The following AMPD3 variants were observed in gnomAD, a reference collection of about 807,000 sequenced individuals.
The protein encoded by AMPD3 is AMP deaminase 3.
A neutral mutation model predicts 82.3 loss-of-function variants in AMPD3; 57 were observed. That is an observed-to-expected ratio of 0.69 (90% CI 0.56 to 0.86). The LOEUF is 0.86. AMPD3 is among the 40% of genes least tolerant of loss of function. The pLI is 0.00. For synonymous variants in AMPD3, 381 were observed against 394.7 expected (o/e 0.97, Z 0.41); for missense variants, 870 against 1,003.8 (o/e 0.87, Z 1.80).
chr11:10,495,606 T>C lies in AMPD3; in HGVS notation c.1303T>C (p.Tyr435His). 1.2e-6 allele frequency: 2 copies of C among 1,613,526 alleles called. No homozygotes were observed. The highest frequency in any genetic ancestry group is 1.7e-6 in the Non-Finnish European group (2 of 1,180,016). The change falls in exon 9 of 15, where the codon TAC becomes CAC. Residue 435 changes from tyrosine to histidine, a missense_variant. By Grantham distance (83) the Tyr-to-His change is moderately conservative. Coordinates refer to ENST00000396553, the MANE Select transcript of AMPD3 (RefSeq NM_001025389.2). ...GGAGCTGGAGGAGAGCAAGTACCAG[T>C]ACTCAGAGCCACGGCTCTCCATCTA... ...ARELEESKYQ[Y>H]SEPRLSIYGR... is the part of the protein sequence containing the mutation.
intron 1 of AMPD3, chr11:10,455,943 G>T: frequency 3.0e-6 from 3 of 985,376 alleles, no homozygotes; most frequent in Non-Finnish European, 3.6e-6. Context: ...GATATCGCTC[G>T]TTGCTACTCA....
At chr11:10,460,066 T>TATACATAATATATATA (rs1848219350) in intron 1 of AMPD3, among the ~76,000 whole-genome samples, 4 of 143,980 alleles carry the variant, frequency 2.8e-5, no homozygotes, top group Middle Eastern at 3.3e-3. Flanking sequence ...TAATATATAT[T>TATACATAATATATATA]ATATATAATA....
chr11:10,457,881 A>C (rs1848144341), intron 1 of AMPD3, among the ~76,000 whole-genome samples: 1 of 151,920 alleles, frequency 6.6e-6, no homozygotes. Flanking sequence ...GGCAACTGAG[A>C]CCCTGTCTCT....
intron 13 of AMPD3, chr11:10,503,898 C>T (rs1432860644): frequency 2.1e-6 from 2 of 960,914 alleles, no homozygotes; most frequent in East Asian, 2.3e-4. Context: ...GGGTCCTTGA[C>T]CTGTACTTCG....
At chr11:10,504,203 A>C (rs570566439) in intron 13 of AMPD3, 1 of 985,146 alleles carries the variant, frequency 1.0e-6, no homozygotes, top group Non-Finnish European at 1.2e-6. Flanking sequence ...TAGTGTGTTA[A>C]AAAGAAAAGC....
At chr11:10,490,427 G>C (rs571137972) in intron 6 of AMPD3, 3 of 948,268 alleles carry the variant, frequency 3.2e-6, no homozygotes, top group South Asian at 9.7e-5. Flanking sequence ...TGCTGTGTTC[G>C]ATTATTGATG....
chr11:10,455,099 G>A, upstream of AMPD3: 1 of 980,726 alleles, frequency 1.0e-6, no homozygotes, highest in Non-Finnish European at 1.2e-6. Context: ...CCAAGTCAGG[G>A]TTACAGCTAG....
intron 11 of AMPD3, 41 bp from the exon 12 acceptor site, chr11:10,501,429 T>TG (rs753150235): frequency 1.8e-5 from 29 of 1,607,534 alleles, no homozygotes; most frequent in African/African-American, 4.0e-5. Flanking sequence ...CAGAGCCAAC[T>TG]GGGGGGGGCC....
At chr11:10,501,158 G>A in intron 11 of AMPD3, 1 of 985,378 alleles carries the variant, frequency 1.0e-6, no homozygotes, top group South Asian at 4.7e-5. Context: ...GGCCTTCCCT[G>A]CTCTGGAGTT....
At chr11:10,469,532 A>G (rs988970035) in intron 2 of AMPD3, among the ~76,000 whole-genome samples, 5 of 152,198 alleles carry the variant, frequency 3.3e-5, no homozygotes, top group Non-Finnish European at 7.4e-5. Context: ...AAAGCCCAGA[A>G]CCAGACAGAT....
At chr11:10,501,670 G>A in intron 12 of AMPD3, 80 bp downstream of exon 12, 1 of 1,611,996 alleles carries the variant, frequency 6.2e-7, no homozygotes, top group South Asian at 1.1e-5. Flanking sequence ...AGTGAGGCCA[G>A]AAGGCTGGGC....
intron 2 of AMPD3, among the ~76,000 whole-genome samples, chr11:10,472,464 A>G (rs1848623063): frequency 6.6e-6 from 1 of 152,126 alleles, no homozygotes; most frequent in Non-Finnish European, 1.5e-5. Context: ...AAAAATTAGG[A>G]TATAGAGGGA....
upstream of AMPD3, chr11:10,450,753 C>T: frequency 8.7e-7 from 1 of 1,148,796 alleles, no homozygotes; most frequent in Non-Finnish European, 1.1e-6. Flanking sequence ...CTCTGCTCCG[C>T]TCCGCGCCCA....
rs747865236 is a variant in AMPD3, at chr11:10,501,494, G to A, written c.1746G>A (p.Leu582=). 1.2e-6 allele frequency: 2 copies of A among 1,614,110 alleles called. No homozygotes were observed. The highest frequency in any genetic ancestry group is 2.2e-5 in the East Asian group (1 of 44,872). Residue 582 remains leucine (L), a synonymous_variant, in exon 12 of 15, where the codon CTG becomes CTA. Transcript: ENST00000396553. The stretch of plus-strand genomic sequence containing the variant: ...GGGAGCGCGGCCTGAGCACGTTCCT[G>A]TTCCGGCCGCACTGTGGGGAAGCCG... ...LRRERGLSTF[L]FRPHCGEAGS... is the part of the protein sequence containing the mutation.
upstream of AMPD3, chr11:10,450,963 G>A: frequency 6.6e-7 from 1 of 1,518,970 alleles, no homozygotes; most frequent in Non-Finnish European, 8.8e-7. Context: ...GCCCCGCTCC[G>A]CTCTGCCCAG....
At chr11:10,488,475 C>T (rs1004599543) in intron 6 of AMPD3, 6 of 174,860 alleles carry the variant, frequency 3.4e-5, no homozygotes, top group Admixed American at 5.5e-4. Context: ...ATGAGAGAGT[C>T]GAGAGAGTCA....
chr11:10,492,045 G>C (rs1343091926), intron 6 of AMPD3, among the ~76,000 whole-genome samples: 1 of 152,214 alleles, frequency 6.6e-6, no homozygotes, highest in Admixed American at 6.5e-5. Context: ...AGGTCTGGTA[G>C]TGAGGATGAG....
At chr11:10,466,775 C>T (rs1848434575) in intron 2 of AMPD3, among the ~76,000 whole-genome samples, 1 of 152,220 alleles carries the variant, frequency 6.6e-6, no homozygotes, top group South Asian at 2.1e-4. Context: ...GGCCGACAGG[C>T]ATCTCATACA....
Position 10,493,410 on chromosome 11 carries a change from A to T in AMPD3, c.1001A>T (p.Lys334Met), listed in dbSNP as rs780791990. The T allele has an allele frequency of 3.7e-6, 6 of 1,614,120 alleles. No homozygotes were observed. Among genetic ancestry groups the T allele is most frequent in the Non-Finnish European group, 3.4e-6 (4 of 1,180,060 alleles). Residue 334 changes from lysine (K) to methionine (M), a missense_variant, in exon 7 of 15, where the codon AAG (lysine) becomes ATG (methionine). Physicochemically the swap from Lys to Met is moderately conservative, Grantham distance 95. Transcript: ENST00000396553. Reference sequence around the variant, plus strand: ...CAAAAGCATCTGCTGCGCTTCATCAAGCACACATACCAGACGGAGCCTGAC... The same window carrying T: ...CAAAAGCATCTGCTGCGCTTCATCATGCACACATACCAGACGGAGCCTGAC... Reference protein sequence around the residue: ...MNQKHLLRFIKHTYQTEPDRT... With the variant: ...MNQKHLLRFIMHTYQTEPDRT...
Sources: gnomAD v4.1 joint callset for allele counts (sites outside exome capture counted in the v4.1 genomes callset) on GRCh38, gnomAD v4.1.1 for gene constraint, MANE v1.5 for transcripts, NCBI Gene and HGNC (gene_info 2026-07-23, HGNC 2026-07-21) for gene names.